Variants in ARHGAP42 observed in about 807,000 individuals in gnomAD.
ARHGAP42 encodes the protein Rho GTPase activating protein 42.
Under a neutral mutation model 125.0 loss-of-function variants are expected in ARHGAP42, and 63 were observed. That is an observed-to-expected ratio of 0.50 (90% CI 0.41 to 0.62). ARHGAP42 has a LOEUF of 0.62. ARHGAP42 is among the 20% of genes least tolerant of loss of function. The pLI is 0.00. For missense variants in ARHGAP42, 766 were observed against 1,024.2 expected (o/e 0.75, Z 3.44); for synonymous variants, 339 against 351.0 (o/e 0.97, Z 0.38).
chr11:100,886,358 G>A (rs1394695266), intron 4 of ARHGAP42, among the ~76,000 whole-genome samples: 1 of 152,126 alleles, frequency 6.6e-6, no homozygotes, highest in East Asian at 1.9e-4. Context: ...TCCTGAAGGG[G>A]CTAATTAACC....
chr11:100,983,370 C>A (rs1361727409), intron 22 of ARHGAP42, among the ~76,000 whole-genome samples: 1 of 152,058 alleles, frequency 6.6e-6, no homozygotes, highest in Non-Finnish European at 1.5e-5. Context: ...CAACATAATA[C>A]AAAATAAATG....
chr11:100,729,072 G>GTCTCTC (rs141776807), intron 1 of ARHGAP42, among the ~76,000 whole-genome samples: 1 of 150,242 alleles, frequency 6.7e-6, no homozygotes, highest in African/African-American at 2.4e-5. Flanking sequence ...CGCAGCCTCT[G>GTCTCTC]TCTCTCTCTC....
intron 3 of ARHGAP42, chr11:100,816,689 T>C (rs950406855): frequency 1.3e-5 from 2 of 152,246 alleles, no homozygotes; most frequent in Non-Finnish European, 2.9e-5. Flanking sequence ...TTAACAATAA[T>C]TTCCTTTGCC....
intron 1 of ARHGAP42, among the ~76,000 whole-genome samples, chr11:100,698,074 A>C (rs1861317416): frequency 6.6e-6 from 1 of 152,200 alleles, no homozygotes; most frequent in Admixed American, 6.5e-5. Context: ...AATTATTTGT[A>C]GAGATAGGAT....
chr11:100,992,793 A>T lies in ARHGAP42; in HGVS notation c.*3992A>T. On this transcript the variant is annotated 3_prime_UTR_variant, in exon 24 of 24. Coordinates refer to ENST00000298815, the MANE Select transcript of ARHGAP42 (RefSeq NM_152432.4). The stretch of plus-strand genomic sequence containing the variant: ...TTTAAATAAAGAATCTTACATAAGA[A>T]TGTTGACAACATTCACAGTAAGCCA... 5.7e-6 allele frequency: 8 copies of T among 1,391,566 alleles called. 1 individual carries two copies. The allele number at this position is 1,391,566 out of a possible 1,614,324, so 86.2% of individuals were successfully genotyped here.
At chr11:100,747,337 TA>T (rs577197079) in intron 1 of ARHGAP42, among the ~76,000 whole-genome samples, 2 of 152,374 alleles carry the variant, frequency 1.3e-5, no homozygotes, top group South Asian at 4.1e-4. Context: ...GTATGATTTT[TA>T]TACCAGATAA....
At chr11:100,728,856 C>T (rs1249590893) in intron 1 of ARHGAP42, among the ~76,000 whole-genome samples, 1 of 151,188 alleles carries the variant, frequency 6.6e-6, no homozygotes, top group African/African-American at 2.4e-5. Context: ...ACAACCTCCA[C>T]CTCCCAGCTT....
At chr11:100,936,031 G>C (rs1289967284) in intron 7 of ARHGAP42, among the ~76,000 whole-genome samples, 172 bp from the exon 8 acceptor site, 12 of 152,092 alleles carry the variant, frequency 7.9e-5, no homozygotes, top group Admixed American at 1.3e-4. Flanking sequence ...ACTGAGGCAG[G>C]AGGATCACTT....
intron 1 of ARHGAP42, among the ~76,000 whole-genome samples, chr11:100,716,360 C>T (rs946630627): frequency 2.0e-5 from 3 of 152,032 alleles, no homozygotes; most frequent in Admixed American, 6.6e-5. Context: ...AATTGAAACA[C>T]GAGAATTTAA....
intron 2 of ARHGAP42, among the ~76,000 whole-genome samples, chr11:100,773,458 A>G (rs999965586): frequency 8.5e-5 from 13 of 152,212 alleles, no homozygotes; most frequent in Non-Finnish European, 1.5e-4. Flanking sequence ...TGAATTTATG[A>G]AATAGTCCCT....
At chr11:100,934,194 G>A (rs560964873) in intron 7 of ARHGAP42, among the ~76,000 whole-genome samples, 1 of 152,132 alleles carries the variant, frequency 6.6e-6, no homozygotes, top group Non-Finnish European at 1.5e-5. Flanking sequence ...TAAAATATGT[G>A]CTGTTTATTA....
intron 3 of ARHGAP42, among the ~76,000 whole-genome samples, chr11:100,815,355 C>G (rs1477847864): frequency 6.6e-6 from 1 of 152,114 alleles, no homozygotes; most frequent in African/African-American, 2.4e-5. Flanking sequence ...GGCTGGATTG[C>G]CTTCAAAAAT....
At position 100,989,172 on chromosome 11, in the gene ARHGAP42, A is replaced by G; in HGVS notation, c.*371A>G. The G allele has an allele frequency of 5.0e-6, 2 of 399,758 alleles. No homozygotes were observed. The highest frequency in any genetic ancestry group is 4.3e-5 in the Admixed American group (1 of 23,016). The allele number at this position is 399,758 out of a possible 1,614,324, so 24.8% of individuals were successfully genotyped here. On this transcript the variant is annotated 3_prime_UTR_variant, in exon 24 of 24. Transcript: ENST00000298815. ...ATATGGATTTTGAGATCTGTCCTTT[A>G]CTGCCTGGCATTCTCTGAGGATCTC...
At chr11:100,713,626 C>A (rs73573373) in intron 1 of ARHGAP42, among the ~76,000 whole-genome samples, 2 of 151,800 alleles carry the variant, frequency 1.3e-5, no homozygotes, top group Non-Finnish European at 2.9e-5. Context: ...AATAAATGAC[C>A]GAGTAAAAAA....
chr11:100,830,478 G>A (rs115262163), intron 3 of ARHGAP42, among the ~76,000 whole-genome samples: 1,821 of 152,094 alleles, frequency 0.012, 44 homozygotes, highest in African/African-American at 0.041. Context: ...CTGTGGAGCC[G>A]CAGCGTCAGC....
intron 17 of ARHGAP42, among the ~76,000 whole-genome samples, chr11:100,967,814 A>G (rs1218563066): frequency 6.6e-6 from 1 of 152,120 alleles, no homozygotes; most frequent in Non-Finnish European, 1.5e-5. Context: ...CCTGGGTTCA[A>G]GTGATTCTCC....
chr11:100,809,494 G>A (rs1864086261), intron 3 of ARHGAP42, among the ~76,000 whole-genome samples: 1 of 152,196 alleles, frequency 6.6e-6, no homozygotes, highest in African/African-American at 2.4e-5. Context: ...CATTTGAACA[G>A]AATACTATGA....
chr11:100,893,272 A>G (rs1866267393), intron 4 of ARHGAP42, among the ~76,000 whole-genome samples: 1 of 151,354 alleles, frequency 6.6e-6, no homozygotes, highest in Non-Finnish European at 1.5e-5. Context: ...AATTTCATTA[A>G]ATGTTTCCAG....
intron 5 of ARHGAP42, 94 bp downstream of exon 5, chr11:100,913,647 T>A: frequency 4.0e-6 from 2 of 499,904 alleles, no homozygotes; most frequent in Non-Finnish European, 6.4e-6. Context: ...TGCTACTATT[T>A]AATAAAATAA....
Sources: gnomAD v4.1 joint callset for allele counts (sites outside exome capture counted in the v4.1 genomes callset) on GRCh38, gnomAD v4.1.1 for gene constraint, MANE v1.5 for transcripts, NCBI Gene and HGNC (gene_info 2026-07-23, HGNC 2026-07-21) for gene names.